Variants in TBL1Y observed in about 807,000 individuals in gnomAD.
TBL1Y encodes transducin beta like 1 Y-linked, also known as F-box-like/WD repeat-containing protein TBL1Y.
A neutral mutation model predicts 12.0 loss-of-function variants in TBL1Y; 15 were observed. The ratio of observed to expected loss-of-function variants is 1.25; its 90% CI spans 0.83 to 1.92. The LOEUF (loss-of-function observed/expected upper bound fraction) is 1.92. Among genes scored for constraint, TBL1Y ranks in the 40% most tolerant of loss-of-function variants. The pLI, the probability that TBL1Y is intolerant of heterozygous loss-of-function variation, is 0.00. For missense variants in TBL1Y, 148 were observed against 116.7 expected (o/e 1.27, Z -1.24); for synonymous variants, 53 against 42.6 (o/e 1.24, Z -0.95).
At chrY:6,941,910 C>T in intron 2 of TBL1Y, among the ~76,000 whole-genome samples, 1 of 33,368 alleles carries the variant, frequency 3.0e-5, no homozygotes, top group Non-Finnish European at 7.4e-5. Context: ...AGTCCCAGCA[C>T]TTTGGGAGGC....
At chrY:6,984,504 G>A (rs1603033761) in intron 3 of TBL1Y, among the ~76,000 whole-genome samples, 2 of 33,391 alleles carry the variant, frequency 6.0e-5, no homozygotes, top group East Asian at 1.6e-3. Context: ...TCTGTTGGCT[G>A]GATGGGGCAC....
chrY:7,090,100 C>T lies in TBL1Y; in HGVS notation c.1458C>T (p.Leu486=). 4 of 397,582 alleles carry T rather than the reference C, an allele frequency of 1.0e-5. No homozygotes were observed. The highest frequency in any genetic ancestry group is 1.4e-5 in the Non-Finnish European group (4 of 282,796). ...VHIWNTQSGS[L]VHSYQGTGGI... is the part of the protein sequence containing the mutation. ...ACCTTGCCTTGCAGAGTGGAAGTCT[C>T]GTCCACAGCTACCAAGGCACTGGCG... The change falls in exon 18 of 19, where the codon CTC becomes CTT. Residue 486 remains leucine, a synonymous_variant. Transcript: ENST00000383032.
intron 2 of TBL1Y, among the ~76,000 whole-genome samples, chrY:6,959,466 G>A (rs751402082): frequency 1.2e-4 from 4 of 32,265 alleles, no homozygotes; most frequent in African/African-American, 3.7e-4. Context: ...GCCCGTTCTC[G>A]CTGGTTGCTG....
intron 7 of TBL1Y, among the ~76,000 whole-genome samples, chrY:7,062,632 G>A (rs2012881202): frequency 3.1e-5 from 1 of 32,757 alleles, no homozygotes; most frequent in Non-Finnish European, 7.5e-5. Flanking sequence ...GTCCGTTACT[G>A]AAAAATTCTC....
At chrY:7,026,978 C>T in intron 6 of TBL1Y, among the ~76,000 whole-genome samples, 1 of 7,844 alleles carries the variant, frequency 1.3e-4, no homozygotes, top group Admixed American at 1.6e-3. Flanking sequence ...CTGGCGCTCA[C>T]TGCAGCTTCA....
intron 2 of TBL1Y, among the ~76,000 whole-genome samples, chrY:6,934,862 T>C (rs2011892290): frequency 3.1e-5 from 1 of 32,340 alleles, no homozygotes; most frequent in Non-Finnish European, 7.5e-5. Context: ...CCTTTTTTTT[T>C]CCTTTTTATA....
At chrY:7,016,131 T>C (rs2012547501) in intron 4 of TBL1Y, among the ~76,000 whole-genome samples, 1 of 32,341 alleles carries the variant, frequency 3.1e-5, no homozygotes, top group African/African-American at 1.2e-4. Context: ...CAGGAGGGGC[T>C]GTGTCCTGGC....
intron 12 of TBL1Y, among the ~76,000 whole-genome samples, chrY:7,074,071 G>C: frequency 3.0e-5 from 1 of 33,564 alleles, no homozygotes; most frequent in African/African-American, 1.2e-4. Context: ...TTTGTTCTAG[G>C]TTTTTCAACA....
intron 2 of TBL1Y, among the ~76,000 whole-genome samples, chrY:6,934,249 C>A: frequency 3.0e-5 from 1 of 33,257 alleles, no homozygotes; most frequent in Non-Finnish European, 7.4e-5. Flanking sequence ...CACCTGCCCC[C>A]CTTCTCTACT....
intron 2 of TBL1Y, among the ~76,000 whole-genome samples, chrY:6,958,552 T>C: frequency 3.0e-5 from 1 of 32,844 alleles, no homozygotes; most frequent in Admixed American, 2.8e-4. Flanking sequence ...GCACCAGCAC[T>C]GGTCTCTGAG....
chrY:7,032,351 C>T, intron 6 of TBL1Y, among the ~76,000 whole-genome samples: 2 of 32,619 alleles, frequency 6.1e-5, no homozygotes, highest in African/African-American at 1.2e-4. Context: ...CAGTTTTGGG[C>T]GACAGGTCAC....
chrY:7,019,121 C>T (rs112261955), intron 4 of TBL1Y, among the ~76,000 whole-genome samples: 139 of 33,697 alleles, frequency 4.1e-3, no homozygotes, highest in African/African-American at 0.014. Flanking sequence ...AAATAAAGAG[C>T]ATACGGCATT....
At chrY:7,050,127 G>A (rs2012788282) in intron 7 of TBL1Y, among the ~76,000 whole-genome samples, 1 of 32,604 alleles carries the variant, frequency 3.1e-5, no homozygotes, top group Non-Finnish European at 7.5e-5. Context: ...CCCTTTTGCC[G>A]GCATGGCAGG....
At chrY:7,027,193 C>G in intron 6 of TBL1Y, among the ~76,000 whole-genome samples, 1 of 33,253 alleles carries the variant, frequency 3.0e-5, no homozygotes, top group Admixed American at 2.7e-4. Flanking sequence ...TAAGCCACTG[C>G]GCCCAGCCAC....
intron 13 of TBL1Y, among the ~76,000 whole-genome samples, chrY:7,079,054 C>T (rs2013077449): frequency 3.0e-5 from 1 of 33,775 alleles, no homozygotes; most frequent in Non-Finnish European, 7.3e-5. Context: ...CCACTCTCTG[C>T]TAGAGGATAG....
At chrY:6,948,053 T>A (rs2011995793) in intron 2 of TBL1Y, among the ~76,000 whole-genome samples, 1 of 33,706 alleles carries the variant, frequency 3.0e-5, no homozygotes, top group Non-Finnish European at 7.3e-5. Flanking sequence ...AAATTAGACC[T>A]ACTTCCCAGT....
chrY:7,034,839 G>A (rs971526856), intron 6 of TBL1Y, among the ~76,000 whole-genome samples: 10 of 33,653 alleles, frequency 3.0e-4, no homozygotes, highest in African/African-American at 5.8e-4. Flanking sequence ...AGACTTAAAC[G>A]TAAGACCTAA....
intron 4 of TBL1Y, among the ~76,000 whole-genome samples, chrY:7,012,217 G>A (rs2012523465): frequency 3.0e-5 from 1 of 33,823 alleles, no homozygotes; most frequent in African/African-American, 1.2e-4. Context: ...CTTGAAACTG[G>A]AACTTATATT....
At chrY:6,911,064 C>CA (rs2124087159) in intron 1 of TBL1Y, 82 bp downstream of exon 1, 1 of 36,859 alleles carries the variant, frequency 2.7e-5, no homozygotes, top group South Asian at 6.1e-4. Context: ...GTCCTGCCGG[C>CA]GGCTCCGGCC....
Sources: allele counts gnomAD v4.1 joint callset (sites outside exome capture counted in the v4.1 genomes callset), GRCh38; gene constraint gnomAD v4.1.1; transcripts MANE v1.5; gene names NCBI Gene and HGNC (gene_info 2026-07-23, HGNC 2026-07-21).